NUP205: variants seen among roughly 807,000 people sequenced by gnomAD.
NUP205 encodes the protein nuclear pore complex protein Nup205.
NUP205 carries 76 observed loss-of-function variants against 253.8 expected under a neutral mutation model. The ratio of observed to expected loss-of-function variants is 0.30; its 90% CI spans 0.25 to 0.36. NUP205 has a LOEUF of 0.36. NUP205 is among the 10% of genes least tolerant of loss of function. NUP205 has a pLI of 1.00. For missense variants in NUP205, 2,162 were observed against 2,425.5 expected (o/e 0.89, Z 2.28); for synonymous variants, 832 against 850.1 (o/e 0.98, Z 0.37).
chr7:135,624,957 G>A (rs1794554553), intron 31 of NUP205, among the ~76,000 whole-genome samples: 1 of 152,022 alleles, frequency 6.6e-6, no homozygotes, highest in Non-Finnish European at 1.5e-5. Context: ...CTTTACCTGA[G>A]AGCTTTCCTT....
chr7:135,581,077 G>A (rs6963766), intron 7 of NUP205, among the ~76,000 whole-genome samples: 14 of 152,078 alleles, frequency 9.2e-5, no homozygotes, highest in African/African-American at 2.7e-4. Context: ...CTGTTAATTT[G>A]CATTTTAAAA....
At chr7:135,592,897 A>G in intron 11 of NUP205, 90 bp from the exon 12 acceptor site, 1 of 995,326 alleles carries the variant, frequency 1.0e-6, no homozygotes, top group Non-Finnish European at 1.5e-6. Context: ...AAAAGAAAAA[A>G]GTATATTGTT....
At chr7:135,626,159 T>TG in intron 32 of NUP205, 81 bp from the exon 33 acceptor site, 1 of 1,529,410 alleles carries the variant, frequency 6.5e-7, no homozygotes, top group Admixed American at 1.8e-5. Context: ...ATGAGAAATT[T>TG]GCCATCAAAG....
rs1329765763 is a variant in NUP205, at chr7:135,557,988, C to T, written c.28+16C>T. The T allele has an allele frequency of 6.8e-6, 11 of 1,608,214 alleles. No individual in the cohort carries two copies. The South Asian group carries it at 1.2e-4, about 18-fold the overall frequency. On this transcript the variant is annotated intron_variant, in intron 1 of 42. Coordinates refer to ENST00000285968, the MANE Select transcript of NUP205 (RefSeq NM_015135.3). The stretch of plus-strand genomic sequence containing the variant: ...GTAAATTCGGGTAAGTGTGGCCAGA[C>T]AGAAAGACGATTGAGCTGAGCGATA...
rs11772654 is a variant in NUP205 at position 135,592,878 on chromosome 7, C to G, written c.1625-109C>G. On this transcript the variant is annotated intron_variant, in intron 11 of 42. Coordinates refer to ENST00000285968, the MANE Select transcript of NUP205 (RefSeq NM_015135.3). ...CTCCAGCCTGGGTGACAGTGAGACT[C>G]TATCTCAAAAAAGAAAAAAGTATAT... 93,144 of 810,304 alleles carry G rather than the reference C, an allele frequency of 0.11. 5,986 individuals are homozygous for G. The highest frequency in any genetic ancestry group is 0.16 in the East Asian group (5,807 of 37,410). 50.2% of individuals were successfully genotyped at this position (810,304 alleles called of 1,614,324 possible). A position where few individuals can be genotyped will look rare whatever the true frequency, so the allele number is the denominator to read the frequency against.
intron 2 of NUP205, among the ~76,000 whole-genome samples, chr7:135,572,355 TTTTG>T (rs1432414856): frequency 2.8e-4 from 43 of 152,206 alleles, no homozygotes; most frequent in Non-Finnish European, 5.4e-4. Flanking sequence ...AGATTGATTA[TTTTG>T]TTTATTTCCA....
intron 35 of NUP205, 114 bp downstream of exon 35, chr7:135,630,584 C>G (rs1794691240): frequency 1.2e-6 from 1 of 818,522 alleles, no homozygotes; most frequent in Non-Finnish European, 1.8e-6. Flanking sequence ...GAAATTGGTA[C>G]TGCTAACAGA....
At chr7:135,603,637 G>GCCTCCCCAC (rs1794015934) in intron 18 of NUP205, among the ~76,000 whole-genome samples, 2 of 146,958 alleles carry the variant, frequency 1.4e-5, no homozygotes, top group Non-Finnish European at 3.0e-5. Context: ...AGCCTCCCCA[G>GCCTCCCCAC]TAGCTGGGAC....
At chr7:135,643,885 G>A (rs1482765092) in intron 39 of NUP205, among the ~76,000 whole-genome samples, 1 of 152,186 alleles carries the variant, frequency 6.6e-6, no homozygotes, top group Non-Finnish European at 1.5e-5. Context: ...ACAGCTGAAT[G>A]TAAGGCATCT....
At chr7:135,622,954 T>C (rs952766243) in intron 31 of NUP205, 29 bp downstream of exon 31, 4 of 1,604,410 alleles carry the variant, frequency 2.5e-6, no homozygotes, top group Non-Finnish European at 3.4e-6. Context: ...AGTATTATAA[T>C]TGAATAAGTA....
chr7:135,607,391 T>C lies in NUP205; in HGVS notation c.3195+20T>C. The C allele has an allele frequency of 6.2e-7, 1 of 1,611,460 alleles. No individual in the cohort carries two copies. Among genetic ancestry groups the C allele is most frequent in the South Asian group, 1.1e-5 (1 of 90,806 alleles). On this transcript the variant is annotated intron_variant, in intron 22 of 42. Coordinates refer to ENST00000285968, the MANE Select transcript of NUP205 (RefSeq NM_015135.3). ...TACCAGGTACACAGAAAACTGCGTT[T>C]TGTGGTACTGAATAGAAGAAACTTG...
In NUP205 at chr7:135,572,456, A is replaced by AT. The variant is rs1447471625; in HGVS notation, c.172-1193dup. Among the ~76,000 whole-genome samples the AT allele has an allele frequency of 3.9e-5, 6 of 152,284 alleles. No individual in the cohort carries two copies. In the East Asian group the frequency reaches 9.6e-4, roughly 24 times the overall value. On this transcript the variant is annotated intron_variant, in intron 2 of 42. Coordinates refer to ENST00000285968, the MANE Select transcript of NUP205 (RefSeq NM_015135.3). Reference sequence around the variant, plus strand: ...TAATGGAATGAATTAATTCTTGAGTATTTTTAATTTCTGCATCTTGAAATT... The same window carrying AT: ...TAATGGAATGAATTAATTCTTGAGTATTTTTTAATTTCTGCATCTTGAAATT...
In NUP205 at chr7:135,594,594, T is replaced by G. The variant is rs370815045; in HGVS notation, c.1878T>G (p.Pro626=). 2 of 1,613,534 alleles carry G rather than the reference T, an allele frequency of 1.2e-6. No homozygotes were observed. The highest frequency in any genetic ancestry group is 2.7e-5 in the African/African-American group (2 of 74,880). ...LALCEHPQWT[P]VVVILGLLQC... ...TCTGTGAACACCCTCAGTGGACCCC[T>G]GTTGTGGTGATTCTGGGACTCCTCC... Residue 626 remains proline (P), a synonymous_variant, in exon 13 of 43, where the codon CCT becomes CCG. Transcript: ENST00000285968.
rs371346400 is a variant in NUP205, at chr7:135,593,209, C to G, written c.1830+17C>G. ...ATTACTTGGGTAGGTAACTCATCCC[C>G]AGCATAATTTTATTTTTATTATAGC... On this transcript the variant is annotated intron_variant, in intron 12 of 42. Transcript: ENST00000285968. 6.2e-7 allele frequency: 1 copy of G among 1,606,684 alleles called. No individual in the cohort carries two copies. Among genetic ancestry groups the G allele is most frequent in the African/African-American group, 1.3e-5 (1 of 74,876 alleles).
intron 7 of NUP205, among the ~76,000 whole-genome samples, chr7:135,582,160 C>T (rs184121783): frequency 8.2e-4 from 125 of 152,228 alleles, no homozygotes; most frequent in Non-Finnish European, 8.2e-4. Context: ...GTGGCACATG[C>T]TTGTCATCCT....
chr7:135,612,248 A>G (rs59852357), intron 22 of NUP205, among the ~76,000 whole-genome samples: 10,249 of 152,284 alleles, frequency 0.067, 1,157 homozygotes, highest in African/African-American at 0.23. Context: ...CATTGCCCCT[A>G]TGGAAAATAC....
chr7:135,573,997 G>C (rs569757937), intron 3 of NUP205, among the ~76,000 whole-genome samples, 172 bp downstream of exon 3: 1 of 151,912 alleles, frequency 6.6e-6, no homozygotes, highest in African/African-American at 2.4e-5. Flanking sequence ...TTTTGAGACA[G>C]AGTCTCGCTC....
intron 1 of NUP205, among the ~76,000 whole-genome samples, chr7:135,567,178 A>ATG (rs1805804370): frequency 4.5e-5 from 5 of 109,962 alleles, no homozygotes; most frequent in Non-Finnish European, 7.4e-5. Flanking sequence ...ATATATATAT[A>ATG]TATGTATATA....
At chr7:135,590,973 T>C (rs1169849935) in intron 10 of NUP205, among the ~76,000 whole-genome samples, 1 of 152,132 alleles carries the variant, frequency 6.6e-6, no homozygotes, top group Non-Finnish European at 1.5e-5. Context: ...AAAGGGAAAA[T>C]TAAGAAATAG....
Sources: gnomAD v4.1 joint callset for allele counts (sites outside exome capture counted in the v4.1 genomes callset) on GRCh38, gnomAD v4.1.1 for gene constraint, MANE v1.5 for transcripts, NCBI Gene and HGNC (gene_info 2026-07-23, HGNC 2026-07-21) for gene names.